Variants in MTCH1 observed in about 807,000 individuals in gnomAD.
The protein encoded by MTCH1 is mitochondrial carrier 1.
A neutral mutation model predicts 49.3 loss-of-function variants in MTCH1; 23 were observed. The observed-to-expected ratio is 0.47, with a 90% CI of 0.34 to 0.66. The LOEUF (loss-of-function observed/expected upper bound fraction) is 0.66. MTCH1 is among the 30% of genes least tolerant of loss of function. MTCH1 has a pLI of 0.01. For synonymous variants in MTCH1, 229 were observed against 215.2 expected (o/e 1.06, Z -0.56); for missense variants, 397 against 532.1 (o/e 0.75, Z 2.50).
At chr6:36,971,684 ACAGAC>A (rs1561904387) in intron 8 of MTCH1, among the ~76,000 whole-genome samples, 1 of 152,098 alleles carries the variant, frequency 6.6e-6, no homozygotes, top group Non-Finnish European at 1.5e-5. Context: ...ACCACACAGA[ACAGAC>A]ATGTACCACA....
intron 1 of MTCH1, among the ~76,000 whole-genome samples, chr6:36,984,885 CA>C (rs1764241668): frequency 6.6e-6 from 1 of 152,144 alleles, no homozygotes; most frequent in Non-Finnish European, 1.5e-5. Flanking sequence ...TGCCCAATTT[CA>C]ATACTCCCGT....
chr6:36,972,757 C>A lies in MTCH1; in HGVS notation c.801G>T (p.Leu267Phe). 2 of 1,553,562 alleles carry A rather than the reference C, an allele frequency of 1.3e-6. No individual in the cohort carries two copies. Among genetic ancestry groups the A allele is most frequent in the Non-Finnish European group, 1.7e-6 (2 of 1,147,850 alleles). The change falls in exon 8 of 12, where the codon TTG becomes TTT. Residue 267 changes from leucine to phenylalanine, a missense_variant. Transcript: ENST00000373627. The surrounding 1 kb of genome is among the most constrained non-coding windows in gnomAD (Gnocchi z 4.1). ...AGTGGGCCAGCAGGTTACAGCCCCACAAGAAAACCACATCGCCCAGGAGGT... is the reference window on the plus strand; with the variant it reads ...AGTGGGCCAGCAGGTTACAGCCCCAAAAGAAAACCACATCGCCCAGGAGGT... ...IPHLLGDVVFLWGCNLLAHFI... is the reference protein window; with the variant it reads ...IPHLLGDVVFFWGCNLLAHFI...
rs1348812830 is a variant in MTCH1 at position 36,986,109 on chromosome 6, G to A, written c.65C>T (p.Ala22Val). ...GCCGCGAGCTCCGGCTCCAGCTCCGGCTCCCGCCATCCCCGCGGCACCGCC... is the reference window on the plus strand; with the variant it reads ...GCCGCGAGCTCCGGCTCCAGCTCCGACTCCCGCCATCCCCGCGGCACCGCC... Reference protein sequence around the residue: ...ARGGAAGMAGAGAGAGARGGA... With the variant: ...ARGGAAGMAGVGAGAGARGGA... The change falls in exon 1 of 12, where the codon GCC becomes GTC. Residue 22 changes from alanine to valine, a missense_variant. Coordinates refer to ENST00000373627, the MANE Select transcript of MTCH1 (RefSeq NM_001271641.2). 6.3e-6 allele frequency: 9 copies of A among 1,438,336 alleles called. No homozygotes were observed. The highest frequency in any genetic ancestry group is 8.1e-6 in the Non-Finnish European group (9 of 1,106,398). The allele number at this position is 1,438,336 out of a possible 1,614,324, so 89.1% of individuals were successfully genotyped here.
At chr6:36,985,484 C>T (rs965489141) in intron 1 of MTCH1, among the ~76,000 whole-genome samples, 5 of 152,020 alleles carry the variant, frequency 3.3e-5, no homozygotes, top group African/African-American at 1.2e-4. Context: ...CTTCTTCCCT[C>T]GCCCCAAATT....
At chr6:36,974,864 A>G (rs1355852599) in intron 7 of MTCH1, among the ~76,000 whole-genome samples, 1 of 152,196 alleles carries the variant, frequency 6.6e-6, no homozygotes, top group Non-Finnish European at 1.5e-5. Flanking sequence ...GTTGTATACC[A>G]TGTGTCTACC....
chr6:36,977,367 C>A lies in MTCH1; in HGVS notation c.650-117G>T. ...TGAACAACGTGGCCTATTCAGAGAGCAGGAGAGGAAGAGGGCCTTTCGGAT... is the reference window on the plus strand; with the variant it reads ...TGAACAACGTGGCCTATTCAGAGAGAAGGAGAGGAAGAGGGCCTTTCGGAT... On this transcript the variant is annotated intron_variant, in intron 5 of 11. Transcript: ENST00000373627. This position sits in a 1 kb window ranked among gnomAD's most constrained non-coding sequence, Gnocchi z 5.4. 1 of 1,089,506 alleles carries A rather than the reference C, an allele frequency of 9.2e-7. No homozygotes were observed. 67.5% of individuals were successfully genotyped at this position (1,089,506 alleles called of 1,614,324 possible). A position where few individuals can be genotyped will look rare whatever the true frequency, so the allele number is the denominator to read the frequency against.
intron 1 of MTCH1, 117 bp from the exon 2 acceptor site, chr6:36,981,789 G>A (rs1764104687): frequency 5.9e-6 from 5 of 843,632 alleles, no homozygotes; most frequent in Middle Eastern, 2.8e-4. Context: ...ATTCTAATGT[G>A]GCTCTTGTTC....
intron 11 of MTCH1, 107 bp downstream of exon 11, chr6:36,969,932 C>A (rs1312332755): frequency 1.3e-6 from 2 of 1,553,828 alleles, no homozygotes; most frequent in South Asian, 2.4e-5. Context: ...ATATTGAATT[C>A]CATGAAACCA....
upstream of MTCH1, chr6:36,986,339 T>G: frequency 5.5e-6 from 3 of 547,778 alleles, no homozygotes; most frequent in Middle Eastern, 5.6e-4. Flanking sequence ...GTTGGAGGCC[T>G]AGCAGGACAC....
chr6:36,978,603 T>C lies in MTCH1; in HGVS notation c.415A>G (p.Ile139Val), dbSNP rs200017678. The C allele has an allele frequency of 3.1e-6, 5 of 1,613,956 alleles. No individual in the cohort carries two copies. The highest frequency in any genetic ancestry group is 1.7e-5 in the Admixed American group (1 of 59,988). The stretch of plus-strand genomic sequence containing the variant: ...CCTATCTTACCATCCACTTGCACGA[T>C]GTACTTGGCTGTAAGAAAACAGAGG... ...LPSFFTYAKY[I>V]VQVDGKIGLF... is the part of the protein sequence containing the mutation. The change falls in exon 3 of 12, where the codon ATC becomes GTC. Residue 139 changes from isoleucine to valine, a missense_variant. Around this residue, in one of 2 missense-constraint regions of MTCH1, gnomAD observed 252 missense variants for 388.3 expected, o/e 0.65. Transcript: ENST00000373627.
chr6:36,981,062 G>A (rs1035680614), intron 2 of MTCH1, among the ~76,000 whole-genome samples: 1 of 152,168 alleles, frequency 6.6e-6, no homozygotes, highest in Non-Finnish European at 1.5e-5. Flanking sequence ...AAGTGAAGCT[G>A]CAATTCACTG....
intron 1 of MTCH1, 76 bp downstream of exon 1, chr6:36,985,766 ATTGACTGCCCG>A: frequency 2.1e-6 from 1 of 473,810 alleles, no homozygotes; most frequent in Non-Finnish European, 2.8e-6. Context: ...ATCCGTCGCC[ATTGACTGCCCG>A]CCCCAATCCT....
At chr6:36,981,521 G>A in intron 2 of MTCH1, 67 bp downstream of exon 2, 2 of 1,494,734 alleles carry the variant, frequency 1.3e-6, no homozygotes, top group Non-Finnish European at 1.8e-6. Flanking sequence ...GGGCCAGCTG[G>A]TCCTGCTCCC....
intron 11 of MTCH1, chr6:36,969,613 TGCA>T (rs1763601045): frequency 8.4e-7 from 1 of 1,188,236 alleles, no homozygotes; most frequent in Non-Finnish European, 1.1e-6. Context: ...AGGAATGTCC[TGCA>T]GGAGGGAGGA....
rs61748598 is a variant in MTCH1, at chr6:36,978,162, C to T, written c.514-7G>A. 157,237 of 1,608,458 alleles carry T rather than the reference C, an allele frequency of 0.098. 9,548 individuals are homozygous for T. The highest frequency in any genetic ancestry group is 0.23 in the African/African-American group (17,091 of 74,812). ...TCTCATCTGGAGGGAAAACCTGAAA[C>T]AGAGAAGGGAAAGAACCAAGTTCAG... is the stretch of plus-strand genomic sequence containing the variant. On this transcript the variant is annotated splice_polypyrimidine_tract_variant and splice_region_variant and intron_variant, in intron 3 of 11. Coordinates refer to ENST00000373627, the MANE Select transcript of MTCH1 (RefSeq NM_001271641.2).
rs1764105486 is a variant in MTCH1, at chr6:36,981,806, T to TC, written c.322-135dup. ...TCTAATGTGGCTCTTGTTCATGTTT[T>TC]CCCCATCAAAGCATACCAGAAAGCT... On this transcript the variant is annotated intron_variant, in intron 1 of 11. Coordinates refer to ENST00000373627, the MANE Select transcript of MTCH1 (RefSeq NM_001271641.2). The TC allele has an allele frequency of 4.0e-6, 3 of 753,020 alleles. 1 individual carries two copies. In the South Asian group the frequency reaches 5.7e-5, roughly 14 times the overall value. The allele number at this position is 753,020 out of a possible 1,614,324, so 46.6% of individuals were successfully genotyped here. A position where few individuals can be genotyped will look rare whatever the true frequency, so the allele number is the denominator to read the frequency against.
In MTCH1 at chr6:36,972,537, G is replaced by T; in HGVS notation, c.906+115C>A. On this transcript the variant is annotated intron_variant, in intron 8 of 11. Transcript: ENST00000373627. The surrounding 1 kb of genome is among the most constrained non-coding windows in gnomAD (Gnocchi z 4.1). ...AAAGATGACTCCAGGGATAATGAGAGGTCCTCTCTCACCCTCCCGGCCTGA... is the reference window on the plus strand; with the variant it reads ...AAAGATGACTCCAGGGATAATGAGATGTCCTCTCTCACCCTCCCGGCCTGA... 1 of 1,266,252 alleles carries T rather than the reference G, an allele frequency of 7.9e-7. No homozygotes were observed. Among genetic ancestry groups the T allele is most frequent in the South Asian group, 1.6e-5 (1 of 60,920 alleles). The allele number at this position is 1,266,252 out of a possible 1,614,324, so 78.4% of individuals were successfully genotyped here.
At position 36,977,209 on chromosome 6, in the gene MTCH1, C is replaced by A. The variant is rs1184627045; in HGVS notation, c.691G>T (p.Ala231Ser). The A allele has an allele frequency of 1.2e-6, 2 of 1,613,932 alleles. No individual in the cohort carries two copies. Among genetic ancestry groups the A allele is most frequent in the East Asian group, 2.2e-5 (1 of 44,878 alleles). ...CCAAGAGTTACCCACCTGTACTTGG[C>A]CTCCCGTCCCACAAACTGGACCATG... ...RCMVQFVGREAKYSGVLSSIG... is the reference protein window; with the variant it reads ...RCMVQFVGRESKYSGVLSSIG... Residue 231 changes from alanine to serine, a missense_variant, in exon 6 of 12, where the codon GCC (alanine) becomes TCC (serine). Around this residue, in one of 2 missense-constraint regions of MTCH1, gnomAD observed 252 missense variants for 388.3 expected, o/e 0.65. Coordinates refer to ENST00000373627, the MANE Select transcript of MTCH1 (RefSeq NM_001271641.2). This position sits in a 1 kb window ranked among gnomAD's most constrained non-coding sequence, Gnocchi z 5.4.
At chr6:36,986,302 G>A (rs1359681474), upstream of MTCH1, 14 of 877,332 alleles carry the variant, frequency 1.6e-5, no homozygotes, top group African/African-American at 3.6e-5. Context: ...CGGCGGGTGG[G>A]ACACGCCGGA....
Sources: allele counts gnomAD v4.1 joint callset (sites outside exome capture counted in the v4.1 genomes callset), GRCh38; gene constraint gnomAD v4.1.1; regional missense constraint gnomAD v4.1.1; non-coding constraint Gnocchi (gnomAD v3.1); transcripts MANE v1.5; gene names NCBI Gene and HGNC (gene_info 2026-07-23, HGNC 2026-07-21).